The following PI4KA variants were observed in gnomAD, a reference collection of about 807,000 sequenced individuals.
PI4KA encodes phosphatidylinositol 4-kinase alpha, also known as PI4-kinase alpha.
A neutral mutation model predicts 271.4 loss-of-function variants in PI4KA; 122 were observed. That is an observed-to-expected ratio of 0.45 (90% CI 0.39 to 0.52). PI4KA has a LOEUF of 0.52. PI4KA is among the 20% of genes least tolerant of loss of function. The pLI, the probability that PI4KA is intolerant of heterozygous loss-of-function variation, is 0.00. For synonymous variants in PI4KA, 1,041 were observed against 1,078.8 expected, an observed-to-expected ratio of 0.96 and a Z score of 0.69; for missense variants, 1,969 against 2,769.1, an observed-to-expected ratio of 0.71 and a Z score of 6.48.
At chr22:20,767,955 A>ATTC (rs150604941) in intron 19 of PI4KA, among the ~76,000 whole-genome samples, 1 of 146,064 alleles carries the variant, frequency 6.8e-6, no homozygotes, top group Non-Finnish European at 1.5e-5. Context: ...TATTATTATT[A>ATTC]TTATTATTAT....
chr22:20,813,662 T>C (rs191465897), intron 7 of PI4KA, among the ~76,000 whole-genome samples, 156 bp from the exon 8 acceptor site: 8 of 152,332 alleles, frequency 5.3e-5, no homozygotes, highest in South Asian at 2.1e-4. Context: ...ACAGGGTAGA[T>C]TGCAAATCCT....
intron 1 of PI4KA, among the ~76,000 whole-genome samples, chr22:20,846,732 A>G (rs1395092891): frequency 2.6e-5 from 4 of 151,464 alleles, no homozygotes; most frequent in Non-Finnish European, 5.9e-5. Flanking sequence ...AGTCCCAGCT[A>G]ATCAGGAGGC....
intron 23 of PI4KA, among the ~76,000 whole-genome samples, chr22:20,754,765 T>A (rs1247254572): frequency 6.6e-6 from 1 of 152,056 alleles, no homozygotes; most frequent in Admixed American, 6.6e-5. Context: ...CTGGCCAACA[T>A]GGTGAAACCC....
Position 20,804,345 on chromosome 22 carries a change from G to A in PI4KA, c.1416C>T (p.Ser472=). 6.2e-7 allele frequency: 1 copy of A among 1,614,080 alleles called. No individual in the cohort carries two copies. ...GGGGCAAGTGAGCAATAATGACTTT[G>A]CTGGACGTCTTGGACTGCAGCTTCT... ...LSEKLQSKTS[S]KVIIAHLPLL... is the part of the protein sequence containing the mutation. Residue 472 remains serine (S), a synonymous_variant, in exon 12 of 55, where the codon AGC becomes AGT. Coordinates refer to ENST00000255882, the MANE Select transcript of PI4KA (RefSeq NM_058004.4).
intron 19 of PI4KA, among the ~76,000 whole-genome samples, chr22:20,770,513 CAAAAAAAA>C: frequency 7.6e-5 from 1 of 13,200 alleles, no homozygotes; most frequent in East Asian, 2.7e-3. Context: ...AACTCCGTCT[CAAAAAAAA>C]AAAAAAAAAA....
intron 32 of PI4KA, among the ~76,000 whole-genome samples, chr22:20,738,985 A>C (rs1483158473): frequency 1.3e-5 from 2 of 148,666 alleles, no homozygotes; most frequent in Non-Finnish European, 3.0e-5. Flanking sequence ...GGCGGATCAC[A>C]AGGTCAGGAG....
At chr22:20,796,081 A>C in intron 18 of PI4KA, 65 bp downstream of exon 18, 1 of 1,473,386 alleles carries the variant, frequency 6.8e-7, no homozygotes, top group Non-Finnish European at 9.4e-7. Flanking sequence ...TGGTGCCTGA[A>C]GACTAAGCCT....
chr22:20,743,824 G>GCGGGCAGATCATGAGGT (rs1431842122), intron 30 of PI4KA, among the ~76,000 whole-genome samples: 1 of 152,038 alleles, frequency 6.6e-6, no homozygotes, highest in Non-Finnish European at 1.5e-5. Context: ...GGAGGCCGAG[G>GCGGGCAGATCATGAGGT]CGGGCAGATC....
rs531160338 is a variant in PI4KA at position 20,709,754 on chromosome 22, G to A, written c.6173+154C>T. ...GGGGCCCCTCACAGTTGTGGTCTAG[G>A]GGCAGAGCCTCACCCAAGAACCCTG... On this transcript the variant is annotated intron_variant, in intron 53 of 54. Transcript: ENST00000255882. Among the ~76,000 whole-genome samples the A allele has an allele frequency of 1.6e-5, 2 of 124,666 alleles. 1 individual carries two copies. The highest frequency in any genetic ancestry group is 3.4e-5 in the Non-Finnish European group (2 of 59,418). 81.8% of individuals were successfully genotyped at this position (124,666 alleles called of 152,430 possible).
At chr22:20,806,722 C>A (rs952773316) in intron 10 of PI4KA, among the ~76,000 whole-genome samples, 1 of 151,676 alleles carries the variant, frequency 6.6e-6, no homozygotes, top group African/African-American at 2.4e-5. Context: ...ATTACAAGTA[C>A]TTCATTTTCT....
At chr22:20,757,054 C>T (rs1931388624) in intron 23 of PI4KA, among the ~76,000 whole-genome samples, 1 of 152,188 alleles carries the variant, frequency 6.6e-6, no homozygotes, top group South Asian at 2.1e-4. Context: ...CCTGCCCTCA[C>T]GTTCCTGTGC....
intron 1 of PI4KA, among the ~76,000 whole-genome samples, chr22:20,843,230 T>C (rs1925815201): frequency 6.6e-6 from 1 of 151,940 alleles, no homozygotes; most frequent in South Asian, 2.1e-4. Context: ...GGGCTTACGC[T>C]TGTAATCCCA....
rs747730930 is a variant in PI4KA, at chr22:20,798,622, T to C, written c.2070A>G (p.Val690=). 11 of 1,613,690 alleles carry C rather than the reference T, an allele frequency of 6.8e-6. No homozygotes were observed. The highest frequency in any genetic ancestry group is 6.6e-5 in the South Asian group (6 of 91,076). Residue 690 remains valine, a synonymous_variant, in exon 17 of 55, where the codon GTA becomes GTG. Transcript: ENST00000255882. ...QQISVKASSV[V]YSATKDYKDH... ...CCTTGTAATCTTTGGTGGCTGAGTA[T>C]ACAACGGAGCTGGCCTTCACACTGA...
intron 40 of PI4KA, 120 bp from the exon 41 acceptor site, chr22:20,727,517 T>C: frequency 1.1e-6 from 1 of 942,564 alleles, no homozygotes; most frequent in South Asian, 1.8e-5. Flanking sequence ...TCGGTAACCA[T>C]GGGGAAGATG....
rs184165078 is a variant in PI4KA at position 20,838,248 on chromosome 22, C to T, written c.273+367G>A. Among the ~76,000 whole-genome samples the T allele has an allele frequency of 1.1e-4, 16 of 152,070 alleles. No individual in the cohort carries two copies. The East Asian group carries it at 2.9e-3, about 28-fold the overall frequency. On this transcript the variant is annotated intron_variant, in intron 2 of 54. Coordinates refer to ENST00000255882, the MANE Select transcript of PI4KA (RefSeq NM_058004.4). ...TTTTGTCCTTTTGGAAGGAGAAATACAATACCCCTGAGTCTGACTGATAAG... is the reference window on the plus strand; with the variant it reads ...TTTTGTCCTTTTGGAAGGAGAAATATAATACCCCTGAGTCTGACTGATAAG...
intron 19 of PI4KA, among the ~76,000 whole-genome samples, chr22:20,772,199 G>C (rs1932904187): frequency 6.6e-6 from 1 of 152,216 alleles, no homozygotes; most frequent in South Asian, 2.1e-4. Flanking sequence ...AGAATACTGA[G>C]AGCTGGAGGC....
rs767796955 is a variant in PI4KA, at chr22:20,786,143, G to A, written c.2328+7050C>T. On this transcript the variant is annotated intron_variant, in intron 19 of 54. Transcript: ENST00000255882. Reference sequence around the variant, plus strand: ...CATCTCAGACCAAAGGATCGCCATCGACCTGGTAACCACTCCCTTGTCCAC... The same window carrying A: ...CATCTCAGACCAAAGGATCGCCATCAACCTGGTAACCACTCCCTTGTCCAC... The A allele has an allele frequency of 8.7e-6, 14 of 1,613,878 alleles. No homozygotes were observed. Among genetic ancestry groups the A allele is most frequent in the Admixed American group, 1.7e-5 (1 of 59,994 alleles).
chr22:20,753,576 G>C (rs1930951911), intron 23 of PI4KA, among the ~76,000 whole-genome samples: 1 of 152,194 alleles, frequency 6.6e-6, no homozygotes, highest in South Asian at 2.1e-4. Context: ...TTGAAGAACA[G>C]TTATTTTGTT....
chr22:20,727,223 G>A lies in PI4KA; in HGVS notation c.4941+7C>T, dbSNP rs1657133303. ...CAGAGGCCAGCTCAGCAGGGCCCTG[G>A]GCTCACCGGAGGGAAGGACCGCAGG... On this transcript the variant is annotated splice_region_variant and intron_variant, in intron 41 of 54. Transcript: ENST00000255882. 6.2e-7 allele frequency: 1 copy of A among 1,611,120 alleles called. No homozygotes were observed. Among genetic ancestry groups the A allele is most frequent in the Middle Eastern group, 1.7e-4 (1 of 5,848 alleles).
Sources: gnomAD v4.1 joint callset for allele counts (sites outside exome capture counted in the v4.1 genomes callset) on GRCh38, gnomAD v4.1.1 for gene constraint, MANE v1.5 for transcripts, NCBI Gene and HGNC (gene_info 2026-07-23, HGNC 2026-07-21) for gene names.